CEP128: variants seen among roughly 807,000 people sequenced by gnomAD.
CEP128 encodes centrosomal protein 128kDa.
Under a neutral mutation model 156.7 loss-of-function variants are expected in CEP128, and 132 were observed. The ratio of observed to expected loss-of-function variants is 0.84; its 90% CI spans 0.73 to 0.97. The LOEUF (loss-of-function observed/expected upper bound fraction) is 0.97, where lower values mean the gene tolerates loss of function less well. Ranked by LOEUF, CEP128 falls within the 50% of genes least tolerant of loss-of-function variation. The pLI is 0.00. For missense variants in CEP128, 1,252 were observed against 1,281.9 expected (o/e 0.98, Z 0.36); for synonymous variants, 469 against 448.9 (o/e 1.04, Z -0.57).
intron 8 of CEP128, among the ~76,000 whole-genome samples, chr14:80,867,588 A>G (rs533336067): frequency 1.3e-5 from 2 of 152,266 alleles, no homozygotes; most frequent in Non-Finnish European, 2.9e-5. Flanking sequence ...ACTGAACTGA[A>G]TAATTCCAGA....
At chr14:80,673,780 CTCTT>C (rs898950507) in intron 19 of CEP128, among the ~76,000 whole-genome samples, 1 of 147,708 alleles carries the variant, frequency 6.8e-6, no homozygotes, top group Non-Finnish European at 1.5e-5. Flanking sequence ...CTTTTCTTTT[CTCTT>C]TCTCTCTCTC....
chr14:80,640,257 G>A (rs1414951340), intron 19 of CEP128, among the ~76,000 whole-genome samples: 2 of 151,990 alleles, frequency 1.3e-5, no homozygotes, highest in Admixed American at 6.6e-5. Flanking sequence ...CAGAGATAAA[G>A]GGAAAACTAT....
intron 9 of CEP128, among the ~76,000 whole-genome samples, chr14:80,857,999 C>T (rs1355908813): frequency 6.6e-6 from 1 of 152,074 alleles, no homozygotes; most frequent in Non-Finnish European, 1.5e-5. Flanking sequence ...CAATGCCATC[C>T]CCATCAAGCT....
chr14:80,671,117 TCAAA>T (rs1305610303), intron 19 of CEP128, among the ~76,000 whole-genome samples: 1 of 152,078 alleles, frequency 6.6e-6, no homozygotes, highest in Non-Finnish European at 1.5e-5. Context: ...GATAAGTAGA[TCAAA>T]CAGAGATCCA....
intron 19 of CEP128, among the ~76,000 whole-genome samples, chr14:80,703,448 C>G (rs1897138762): frequency 6.6e-6 from 1 of 151,754 alleles, no homozygotes; most frequent in Non-Finnish European, 1.5e-5. Context: ...TTTAAGAACT[C>G]ATTCAAGTTC....
At position 80,665,161 on chromosome 14, in the gene CEP128, A is replaced by G. The variant is rs1412657496; in HGVS notation, c.2806+77914T>C. Among the ~76,000 whole-genome samples, 11 of 152,212 alleles carry G rather than the reference A, an allele frequency of 7.2e-5. No homozygotes were observed. The South Asian group carries it at 1.2e-3, about 17-fold the overall frequency. On this transcript the variant is annotated intron_variant, in intron 19 of 24. Transcript: ENST00000555265. ...AACGTGTCATATAGAATACACCTAC[A>G]TTGTGCAAGTAGATTGGGAGCAGTG...
At chr14:80,752,066 G>C (rs1899427640) in intron 18 of CEP128, among the ~76,000 whole-genome samples, 1 of 152,078 alleles carries the variant, frequency 6.6e-6, no homozygotes. Flanking sequence ...CTAGGGTAAT[G>C]ATATACTAAA....
chr14:80,763,580 C>T (rs988239580), intron 16 of CEP128, among the ~76,000 whole-genome samples: 13 of 152,130 alleles, frequency 8.5e-5, no homozygotes, highest in Admixed American at 2.6e-4. Context: ...ATTCTTTCTT[C>T]CTGAACTCCT....
intron 19 of CEP128, among the ~76,000 whole-genome samples, chr14:80,584,335 G>A (rs117287707): frequency 1.2e-3 from 184 of 151,794 alleles, no homozygotes; most frequent in South Asian, 4.6e-3. Context: ...CAGTAGAGAC[G>A]GGGTTTTACC....
chr14:80,538,481 C>A (rs543621110), intron 21 of CEP128, among the ~76,000 whole-genome samples: 6 of 152,060 alleles, frequency 3.9e-5, no homozygotes, highest in Non-Finnish European at 8.8e-5. Flanking sequence ...TTCAAGCATA[C>A]AGGAAATGTG....
At chr14:80,648,700 T>C (rs1430674908) in intron 19 of CEP128, among the ~76,000 whole-genome samples, 4 of 152,170 alleles carry the variant, frequency 2.6e-5, no homozygotes, top group African/African-American at 9.6e-5. Flanking sequence ...ACCTGTTTAT[T>C]CATTTTTTCA....
rs1186127193 is a variant in CEP128 at position 80,661,088 on chromosome 14, A to G, written c.2807-80665T>C. 5.3e-5 allele frequency among the ~76,000 whole-genome samples: 8 copies of G among 152,286 alleles called. No individual in the cohort carries two copies. In the East Asian group the frequency reaches 1.5e-3, roughly 29 times the overall value. On this transcript the variant is annotated intron_variant, in intron 19 of 24. Transcript: ENST00000555265. ...GTCACTGAAGACGTCATTGCTGAAT[A>G]AAAGTTCATTTGCTTGAAGCTGGGC...
chr14:80,663,254 T>C (rs1236952210), intron 19 of CEP128, among the ~76,000 whole-genome samples: 2 of 152,122 alleles, frequency 1.3e-5, no homozygotes, highest in South Asian at 2.1e-4. Flanking sequence ...GTAATTCATG[T>C]CATGTCCACA....
intron 8 of CEP128, among the ~76,000 whole-genome samples, chr14:80,877,621 T>C (rs796412086): frequency 2.0e-5 from 3 of 152,118 alleles, no homozygotes; most frequent in African/African-American, 2.4e-5. Context: ...AGAAATTCTA[T>C]AGGGCACAAA....
chr14:80,648,336 T>C (rs1894750040), intron 19 of CEP128, among the ~76,000 whole-genome samples: 1 of 152,158 alleles, frequency 6.6e-6, no homozygotes, highest in African/African-American at 2.4e-5. Flanking sequence ...GCTTGACAGA[T>C]ATTTTGGTAG....
chr14:80,617,866 G>A (rs1893293142), intron 19 of CEP128, among the ~76,000 whole-genome samples: 1 of 152,222 alleles, frequency 6.6e-6, no homozygotes, highest in African/African-American at 2.4e-5. Flanking sequence ...AGCATGTAGT[G>A]TATTTGGTTA....
intron 17 of CEP128, among the ~76,000 whole-genome samples, chr14:80,760,109 C>T (rs756025411): frequency 1.1e-4 from 16 of 151,222 alleles, no homozygotes; most frequent in Non-Finnish European, 1.6e-4. Context: ...ATTAAATAAA[C>T]GCAAATATGA....
chr14:80,937,105 C>A (rs1885850471), intron 2 of CEP128, among the ~76,000 whole-genome samples: 1 of 152,110 alleles, frequency 6.6e-6, no homozygotes, highest in Non-Finnish European at 1.5e-5. Context: ...ATTGCTTGAG[C>A]CCAAGCGTTC....
intron 19 of CEP128, among the ~76,000 whole-genome samples, chr14:80,638,732 G>A (rs914412539): frequency 6.6e-6 from 1 of 152,184 alleles, no homozygotes; most frequent in African/African-American, 2.4e-5. Context: ...GTGAATCACT[G>A]AATATAAGGA....
Sources: allele counts gnomAD v4.1 joint callset (sites outside exome capture counted in the v4.1 genomes callset), GRCh38; gene constraint gnomAD v4.1.1; transcripts MANE v1.5; gene names NCBI Gene and HGNC (gene_info 2026-07-23, HGNC 2026-07-21).